XKRX: variants seen among roughly 807,000 people sequenced by gnomAD.
XKRX encodes XK-related protein 2.
In XKRX, 11 loss-of-function variants were observed where a neutral mutation model predicts 22.4. The observed-to-expected ratio is 0.49, with a 90% confidence interval of 0.31 to 0.81. The LOEUF (loss-of-function observed/expected upper bound fraction) is 0.81. Among genes scored for constraint, XKRX ranks in the 40% least tolerant of loss-of-function variants. The probability of loss-of-function intolerance (pLI) is 0.05; values close to 1 mark genes in which losing one functional copy is unlikely to be tolerated. For synonymous variants in XKRX, 114 were observed against 132.2 expected (o/e 0.86, Z 0.94); for missense variants, 320 against 336.5 (o/e 0.95, Z 0.38).
At chrX:100,899,079 A>C in the XKRX span, among the ~76,000 whole-genome samples, 1 of 112,460 alleles carries the variant, frequency 8.9e-6, no homozygotes, top group Non-Finnish European at 1.9e-5. Context: ...AGTCTTCTAC[A>C]AAAAAATAAT....
chrX:100,941,080 TTAAG>T, the XKRX span, among the ~76,000 whole-genome samples: 2 of 111,849 alleles, frequency 1.8e-5, no homozygotes, highest in Non-Finnish European at 3.8e-5. Context: ...TTCTGAATAA[TTAAG>T]TCTCTACTGT....
upstream of XKRX, among the ~76,000 whole-genome samples, chrX:100,931,286 CT>C (rs1304501916): frequency 1.8e-5 from 2 of 110,682 alleles, no homozygotes; most frequent in African/African-American, 3.3e-5. Flanking sequence ...CAATGCCTTC[CT>C]ACTTTGTTCC....
At chrX:100,949,379 TG>T in the XKRX span, among the ~76,000 whole-genome samples, 644 of 97,969 alleles carry the variant, frequency 6.6e-3, 15 homozygotes, top group African/African-American at 0.022. Context: ...TTTTTTTTTT[TG>T]AGAGAGACGG....
At position 100,928,835 on chromosome X, in the gene XKRX, C is replaced by T. The variant is rs2085509921; in HGVS notation, c.-531G>A. ...AAGAAGGAGGGCAGAAGAGGGGATT[C>T]AGTTCAGTGCCTAGGTATCCTAGCT... On this transcript the variant is annotated 5_prime_UTR_variant, in exon 1 of 3. Transcript: ENST00000372956. 2 of 754,043 alleles carry T rather than the reference C, an allele frequency of 2.7e-6. No homozygotes were observed. Among genetic ancestry groups the T allele is most frequent in the South Asian group, 6.8e-5 (1 of 14,681 alleles). 62.1% of individuals were successfully genotyped at this position (754,043 alleles called of 1,213,427 possible).
the XKRX span, among the ~76,000 whole-genome samples, chrX:100,906,835 C>T: frequency 9.0e-6 from 1 of 111,690 alleles, no homozygotes; most frequent in Admixed American, 9.5e-5. Flanking sequence ...AAGCTGCTTT[C>T]TCGCATTCCT....
chrX:100,891,894 C>A, the XKRX span, among the ~76,000 whole-genome samples: 1 of 110,711 alleles, frequency 9.0e-6, no homozygotes, highest in African/African-American at 3.3e-5. Flanking sequence ...AAAAAAAACT[C>A]AAAATGGATT....
At chrX:100,957,242 C>T in the XKRX span, 1 of 982,186 alleles carries the variant, frequency 1.0e-6, no homozygotes, top group Non-Finnish European at 1.5e-6. Flanking sequence ...ATTTCCTGAT[C>T]ATTGGTAGAT....
Position 100,918,201 on chromosome X carries a change from G to A in XKRX, c.605-3118C>T, listed in dbSNP as rs773581772. ...GTCAACTTAATCTTTTACTTTTAGTGGAGGAAAAGTTAAGATTTCCCCCAT... is the reference window on the plus strand; with the variant it reads ...GTCAACTTAATCTTTTACTTTTAGTAGAGGAAAAGTTAAGATTTCCCCCAT... On this transcript the variant is annotated intron_variant, in intron 2 of 2. Transcript: ENST00000372956. 6.3e-5 allele frequency among the ~76,000 whole-genome samples: 7 copies of A among 111,748 alleles called. No individual in the cohort carries two copies. In the South Asian group the frequency reaches 2.6e-3, roughly 42 times the overall value.
the XKRX span, among the ~76,000 whole-genome samples, chrX:100,936,738 C>G: frequency 9.2e-6 from 1 of 108,859 alleles, no homozygotes; most frequent in Non-Finnish European, 1.9e-5. Context: ...AAGCAGGCAC[C>G]TTCATCACAA....
upstream of XKRX, among the ~76,000 whole-genome samples, chrX:100,933,244 G>A (rs1359718841): frequency 9.0e-6 from 1 of 110,636 alleles, no homozygotes; most frequent in Non-Finnish European, 1.9e-5. Flanking sequence ...CACTTTAGGA[G>A]GCCGAGGTGG....
the XKRX span, among the ~76,000 whole-genome samples, chrX:100,895,988 A>C: frequency 1.8e-5 from 2 of 111,946 alleles, no homozygotes; most frequent in African/African-American, 6.5e-5. Context: ...ATTTGTTTTA[A>C]GCACAGGGTA....
chrX:100,887,590 T>C, the XKRX span: 4 of 590,389 alleles, frequency 6.8e-6, no homozygotes, highest in Non-Finnish European at 1.1e-5. Flanking sequence ...GCAGCTTCCC[T>C]GTCACTTCTC....
chrX:100,940,009 C>T, the XKRX span, among the ~76,000 whole-genome samples: 1 of 112,051 alleles, frequency 8.9e-6, no homozygotes, highest in Non-Finnish European at 1.9e-5. Context: ...TCAGTTTTAA[C>T]ATACCAAATG....
chrX:100,889,096 C>A, the XKRX span, among the ~76,000 whole-genome samples: 1 of 107,828 alleles, frequency 9.3e-6, no homozygotes, highest in African/African-American at 3.4e-5. Flanking sequence ...AAAAATTAGC[C>A]GGGCATGGTG....
At chrX:100,897,357 G>A in the XKRX span, among the ~76,000 whole-genome samples, 1 of 110,090 alleles carries the variant, frequency 9.1e-6, no homozygotes, top group African/African-American at 3.3e-5. Flanking sequence ...GGCCAAGGCA[G>A]GTGGACCACA....
At chrX:100,889,230 ACT>A in the XKRX span, among the ~76,000 whole-genome samples, 4 of 96,595 alleles carry the variant, frequency 4.1e-5, no homozygotes, top group Non-Finnish European at 2.1e-5. Flanking sequence ...ACAGAGCAAG[ACT>A]CTATCTCAAA....
intron 1 of XKRX, among the ~76,000 whole-genome samples, chrX:100,927,242 C>T (rs1014952273): frequency 1.8e-5 from 2 of 109,540 alleles, no homozygotes; most frequent in Non-Finnish European, 3.8e-5. Context: ...GCAGTGGCAC[C>T]GATCTTGGCT....
the XKRX span, among the ~76,000 whole-genome samples, chrX:100,950,076 G>C: frequency 1.8e-5 from 2 of 111,944 alleles, no homozygotes; most frequent in Non-Finnish European, 3.8e-5. Context: ...ATGTGAACAA[G>C]AGAGAAAACA....
chrX:100,932,934 G>A (rs2085525308), upstream of XKRX, among the ~76,000 whole-genome samples: 1 of 111,618 alleles, frequency 9.0e-6, no homozygotes, highest in Non-Finnish European at 1.9e-5. Context: ...GGAGACTGAG[G>A]TGGGAGGATT....
Sources: allele counts gnomAD v4.1 joint callset (sites outside exome capture counted in the v4.1 genomes callset), GRCh38; gene constraint gnomAD v4.1.1; transcripts MANE v1.5; gene names NCBI Gene and HGNC (gene_info 2026-07-23, HGNC 2026-07-21).